BICD1: variants seen among roughly 807,000 people sequenced by gnomAD.
The protein encoded by BICD1 is protein bicaudal D homolog 1.
Under a neutral mutation model 92.5 loss-of-function variants are expected in BICD1, and 35 were observed. That is an observed-to-expected ratio of 0.38 (90% CI 0.29 to 0.50). BICD1 has a LOEUF of 0.50. Among genes scored for constraint, BICD1 ranks in the 20% least tolerant of loss-of-function variants. The pLI is 0.93. For missense variants in BICD1, 950 were observed against 1,189.8 expected (o/e 0.80, Z 2.97); for synonymous variants, 429 against 465.1 (o/e 0.92, Z 1.00).
chr12:32,119,227 C>G (rs1461055359), intron 1 of BICD1, among the ~76,000 whole-genome samples: 2 of 152,164 alleles, frequency 1.3e-5, no homozygotes, highest in East Asian at 3.8e-4. Flanking sequence ...GAAATATGAC[C>G]ATTCTGTAAC....
intron 1 of BICD1, 164 bp downstream of exon 1, chr12:32,107,708 C>A: frequency 1.2e-6 from 1 of 857,066 alleles, no homozygotes; most frequent in Non-Finnish European, 1.9e-6. Context: ...TTGTTTCCTC[C>A]CCCAAGAGAA....
intron 7 of BICD1, chr12:32,338,430 GT>G (rs909679435): frequency 1.0e-5 from 2 of 196,608 alleles, no homozygotes; most frequent in Non-Finnish European, 2.0e-5. Flanking sequence ...CACTTGTAAG[GT>G]TTTTAGGGGC....
intron 2 of BICD1, among the ~76,000 whole-genome samples, chr12:32,241,111 G>A (rs944513825): frequency 6.6e-6 from 1 of 152,168 alleles, no homozygotes; most frequent in African/African-American, 2.4e-5. Context: ...CATTGAGTTG[G>A]CAAATGCTTT....
chr12:32,201,290 T>G (rs1423323908), intron 1 of BICD1, among the ~76,000 whole-genome samples: 1 of 152,210 alleles, frequency 6.6e-6, no homozygotes, highest in African/African-American at 2.4e-5. Context: ...TTCAGTTAAT[T>G]TTCTTGAGCT....
chr12:32,307,217 A>G (rs1281239177), intron 4 of BICD1, among the ~76,000 whole-genome samples: 2 of 152,162 alleles, frequency 1.3e-5, no homozygotes, highest in East Asian at 3.8e-4. Context: ...AGGACTTCCT[A>G]TGTACAAATT....
chr12:32,233,585 G>A (rs1275197029), intron 2 of BICD1, among the ~76,000 whole-genome samples: 2 of 140,214 alleles, frequency 1.4e-5, no homozygotes, highest in Non-Finnish European at 3.1e-5. Flanking sequence ...TATCTTCTGA[G>A]TAGGGTCAAA....
chr12:32,148,830 G>T (rs1943195431), intron 1 of BICD1, among the ~76,000 whole-genome samples: 2 of 152,088 alleles, frequency 1.3e-5, no homozygotes, highest in African/African-American at 4.8e-5. Context: ...GACCAGCCTA[G>T]GCAACATGGT....
intron 1 of BICD1, among the ~76,000 whole-genome samples, chr12:32,139,858 C>T (rs779014391): frequency 2.0e-5 from 3 of 152,158 alleles, no homozygotes; most frequent in Non-Finnish European, 2.9e-5. Context: ...CCGCTCCTGG[C>T]CTGGGCACAG....
In BICD1 at chr12:32,328,051, G is replaced by A; in HGVS notation, c.1596G>A (p.Arg532=). 1 of 1,614,088 alleles carries A rather than the reference G, an allele frequency of 6.2e-7. No individual in the cohort carries two copies. Among genetic ancestry groups the A allele is most frequent in the Non-Finnish European group, 8.5e-7 (1 of 1,180,020 alleles). ...VCLCNNETPN[R]VMLDYYRQSR... ...TATGTAATAATGAAACTCCCAACAG[G>A]GTCATGCTGGATTACTATAGGCAGA... Residue 532 remains arginine (R), a synonymous_variant, in exon 5 of 10, where the codon AGG becomes AGA. Coordinates refer to ENST00000652176, the MANE Select transcript of BICD1 (RefSeq NM_001714.4). The surrounding 1 kb of genome is among the most constrained non-coding windows in gnomAD (Gnocchi z 4.4).
intron 2 of BICD1, among the ~76,000 whole-genome samples, chr12:32,234,939 C>T (rs1946019201): frequency 6.6e-6 from 1 of 152,152 alleles, no homozygotes. Flanking sequence ...CCTGCCTCAG[C>T]CTCCCAAAGT....
chr12:32,165,808 C>G (rs1223574874), intron 1 of BICD1, among the ~76,000 whole-genome samples: 1 of 152,008 alleles, frequency 6.6e-6, no homozygotes, highest in Non-Finnish European at 1.5e-5. Flanking sequence ...TGAAGATGTG[C>G]AAGGATTCAT....
chr12:32,284,271 T>C (rs895793326), intron 2 of BICD1, among the ~76,000 whole-genome samples: 3 of 152,228 alleles, frequency 2.0e-5, no homozygotes, highest in African/African-American at 7.2e-5. Flanking sequence ...CCAGATCAGT[T>C]GTTCTCCCTT....
At chr12:32,229,668 A>C (rs1945812269) in intron 2 of BICD1, among the ~76,000 whole-genome samples, 1 of 152,172 alleles carries the variant, frequency 6.6e-6, no homozygotes, top group South Asian at 2.1e-4. Flanking sequence ...GAGAGAATAA[A>C]AGGAGAGGAA....
chr12:32,278,290 T>C lies in BICD1; in HGVS notation c.427-15704T>C, dbSNP rs541273345. ...ATGGATATTCATAGTTATAAGAAGA[T>C]ATTATCATAGAAGAAAATTGTCATG... On this transcript the variant is annotated intron_variant, in intron 2 of 9. Coordinates refer to ENST00000652176, the MANE Select transcript of BICD1 (RefSeq NM_001714.4). Among the ~76,000 whole-genome samples, 6 of 152,328 alleles carry C rather than the reference T, an allele frequency of 3.9e-5. 1 individual carries two copies. In the South Asian group the frequency reaches 1.0e-3, roughly 26 times the overall value.
At chr12:32,234,579 A>G (rs1376788421) in intron 2 of BICD1, among the ~76,000 whole-genome samples, 1 of 150,032 alleles carries the variant, frequency 6.7e-6, no homozygotes, top group Non-Finnish European at 1.5e-5. Context: ...CTGGGCAACA[A>G]GAGCAAAACT....
chr12:32,171,666 G>T (rs1943941974), intron 1 of BICD1, among the ~76,000 whole-genome samples: 2 of 152,220 alleles, frequency 1.3e-5, no homozygotes, highest in East Asian at 1.9e-4. Context: ...AGGCACAGTG[G>T]CTCACACCTA....
At chr12:32,258,385 T>C (rs1184297255) in intron 2 of BICD1, among the ~76,000 whole-genome samples, 1 of 152,182 alleles carries the variant, frequency 6.6e-6, no homozygotes, top group Non-Finnish European at 1.5e-5. Flanking sequence ...GTGTTGGTCA[T>C]TTGATATGCT....
chr12:32,107,508 C>T lies in BICD1; in HGVS notation c.177C>T (p.Tyr59=), dbSNP rs976138805. 19 of 1,603,716 alleles carry T rather than the reference C, an allele frequency of 1.2e-5. No homozygotes were observed. The highest frequency in any genetic ancestry group is 1.7e-5 in the Admixed American group (1 of 58,106). Residue 59 remains tyrosine, a synonymous_variant, in exon 1 of 10, where the codon TAC becomes TAT. Coordinates refer to ENST00000652176, the MANE Select transcript of BICD1 (RefSeq NM_001714.4). ...AGTATGATGAACTGGAGGCTGAGTA[C>T]GACAGCCTCAAACAGGAGCTGGAGC... The part of the protein sequence containing the change: ...KQQYDELEAE[Y]DSLKQELEQL...
chr12:32,162,762 C>T (rs1175048594), intron 1 of BICD1, among the ~76,000 whole-genome samples: 3 of 151,942 alleles, frequency 2.0e-5, no homozygotes, highest in South Asian at 2.1e-4. Flanking sequence ...GCAGGAGGAT[C>T]GCTTGAATTC....
Sources: allele counts gnomAD v4.1 joint callset (sites outside exome capture counted in the v4.1 genomes callset), GRCh38; gene constraint gnomAD v4.1.1; non-coding constraint Gnocchi (gnomAD v3.1); transcripts MANE v1.5; gene names NCBI Gene and HGNC (gene_info 2026-07-23, HGNC 2026-07-21).